CPAMD8: variants seen among roughly 807,000 people sequenced by gnomAD.
CPAMD8 encodes the protein C3 and PZP-like alpha-2-macroglobulin domain-containing protein 8.
A neutral mutation model predicts 224.7 loss-of-function variants in CPAMD8; 146 were observed. The ratio of observed to expected loss-of-function variants is 0.65; its 90% CI spans 0.57 to 0.75. The LOEUF (loss-of-function observed/expected upper bound fraction) is 0.75, where lower values mean the gene tolerates loss of function less well. Ranked by LOEUF, CPAMD8 falls within the 30% of genes least tolerant of loss-of-function variation. CPAMD8 has a pLI of 0.00. For synonymous variants in CPAMD8, 966 were observed against 1,044.6 expected, an observed-to-expected ratio of 0.92 and a Z score of 1.45; for missense variants, 2,301 against 2,537.5, an observed-to-expected ratio of 0.91 and a Z score of 2.00.
chr19:16,920,999 C>T (rs1390087888), intron 27 of CPAMD8, among the ~76,000 whole-genome samples: 1 of 151,950 alleles, frequency 6.6e-6, no homozygotes, highest in Non-Finnish European at 1.5e-5. Flanking sequence ...GTGGGCGGGG[C>T]CTCTGCTTGC....
intron 14 of CPAMD8, among the ~76,000 whole-genome samples, 180 bp downstream of exon 14, chr19:16,980,317 A>T (rs2055462892): frequency 6.6e-6 from 1 of 152,156 alleles, no homozygotes; most frequent in African/African-American, 2.4e-5. Flanking sequence ...CTCCACTTCC[A>T]GCAGCTGATC....
chr19:16,952,714 G>C (rs1221984393), intron 19 of CPAMD8, among the ~76,000 whole-genome samples: 2 of 151,784 alleles, frequency 1.3e-5, no homozygotes, highest in Non-Finnish European at 2.9e-5. Flanking sequence ...AACTAAAAAA[G>C]ACAAAAAAAG....
chr19:16,987,457 C>A (rs954891230), intron 13 of CPAMD8, among the ~76,000 whole-genome samples: 1 of 151,644 alleles, frequency 6.6e-6, no homozygotes, highest in Non-Finnish European at 1.5e-5. Flanking sequence ...TCCCACTTCA[C>A]GAACAGTCAA....
intron 10 of CPAMD8, 56 bp downstream of exon 10, chr19:17,000,358 G>A (rs1373108774): frequency 1.4e-5 from 10 of 734,792 alleles, no homozygotes; most frequent in Non-Finnish European, 2.5e-5. Context: ...AATGTGTGCT[G>A]GTGGAGGTGA....
chr19:16,896,558 C>A lies in CPAMD8; in HGVS notation c.5173G>T (p.Gly1725Cys). ...DCGAQGNPVC[G>C]SDGVVYASAC... is the part of the protein sequence containing the mutation. ...CTGGCGTAGACCACCCCGTCGGAGCCGCACACCGGGTTCCCCTGGGCGCCG... is the reference window on the plus strand; with the variant it reads ...CTGGCGTAGACCACCCCGTCGGAGCAGCACACCGGGTTCCCCTGGGCGCCG... The change falls in exon 40 of 42, where the codon GGC becomes TGC. Residue 1725 changes from glycine to cysteine, a missense_variant. Gly to Cys is a radical substitution (Grantham distance 159). Transcript: ENST00000443236. The A allele has an allele frequency of 6.6e-7, 1 of 1,507,304 alleles. No homozygotes were observed. Among genetic ancestry groups the A allele is most frequent in the Non-Finnish European group, 8.8e-7 (1 of 1,134,694 alleles). The allele number at this position is 1,507,304 out of a possible 1,614,324, so 93.4% of individuals were successfully genotyped here.
chr19:16,966,286 C>A (rs2054825400), intron 18 of CPAMD8, among the ~76,000 whole-genome samples: 1 of 152,140 alleles, frequency 6.6e-6, no homozygotes, highest in African/African-American at 2.4e-5. Context: ...ACTGGGTAGC[C>A]ATATGTAGAA....
Position 16,989,708 on chromosome 19 carries a change from G to A in CPAMD8, c.1330C>T (p.Leu444Phe). The A allele has an allele frequency of 6.2e-7, 1 of 1,613,904 alleles. No individual in the cohort carries two copies. Among genetic ancestry groups the A allele is most frequent in the Non-Finnish European group, 8.5e-7 (1 of 1,179,836 alleles). Residue 444 changes from leucine (L) to phenylalanine (F), a missense_variant, in exon 13 of 42, where the codon CTC (leucine) becomes TTC (phenylalanine). Around this residue, in one of 4 missense-constraint regions of CPAMD8, gnomAD observed 301 missense variants for 406.6 expected, o/e 0.74. Transcript: ENST00000443236. ...TGGCTGGGGGAGTACCAGCTGCCGAGGGAGAGGTAGCTGGGCAGGTACTGA... is the reference window on the plus strand; with the variant it reads ...TGGCTGGGGGAGTACCAGCTGCCGAAGGAGAGGTAGCTGGGCAGGTACTGA... Reference protein sequence around the residue: ...GAQYLPSYLSLGSWYSPSQCY... With the variant: ...GAQYLPSYLSFGSWYSPSQCY...
chr19:16,977,273 A>G, intron 15 of CPAMD8, 95 bp downstream of exon 15: 2 of 745,428 alleles, frequency 2.7e-6, no homozygotes, highest in East Asian at 5.2e-5. Context: ...GCGACACAAC[A>G]TGAGTCTCAG....
chr19:16,968,541 A>C (rs952971761), intron 18 of CPAMD8, among the ~76,000 whole-genome samples: 4 of 152,220 alleles, frequency 2.6e-5, no homozygotes, highest in African/African-American at 9.6e-5. Flanking sequence ...AGTGAGCAAT[A>C]CTGGAAATAC....
At chr19:16,963,343 G>A (rs1046427660) in intron 18 of CPAMD8, among the ~76,000 whole-genome samples, 2 of 152,250 alleles carry the variant, frequency 1.3e-5, no homozygotes, top group Admixed American at 6.5e-5. Flanking sequence ...AATGGATGGA[G>A]GAAGATCTAC....
chr19:16,925,758 ATT>A (rs35402590), intron 25 of CPAMD8, among the ~76,000 whole-genome samples: 62 of 145,406 alleles, frequency 4.3e-4, no homozygotes, highest in Non-Finnish European at 5.9e-4. Flanking sequence ...TTTCTAAAAT[ATT>A]TTTTTTTTTT....
chr19:16,898,029 G>T lies in CPAMD8; in HGVS notation c.4849-35C>A, dbSNP rs1407138985. The T allele has an allele frequency of 6.5e-7, 1 of 1,527,138 alleles. No homozygotes were observed. Among genetic ancestry groups the T allele is most frequent in the Non-Finnish European group, 8.9e-7 (1 of 1,122,230 alleles). 94.6% of individuals were successfully genotyped at this position (1,527,138 alleles called of 1,614,324 possible). A position where few individuals can be genotyped will look rare whatever the true frequency, so the allele number is the denominator to read the frequency against. ...AGCGGCGGGCGCAGGCTCGACCCGG[G>T]CCAGGAGGCCCGGGGCGCTGAGCTC... On this transcript the variant is annotated intron_variant, in intron 37 of 41. Coordinates refer to ENST00000443236, the MANE Select transcript of CPAMD8 (RefSeq NM_015692.5). This position sits in a 1 kb window ranked among gnomAD's most constrained non-coding sequence, Gnocchi z 4.2.
Position 16,898,111 on chromosome 19 carries a change from C to T in CPAMD8, c.4849-117G>A, listed in dbSNP as rs2052103225. 2 of 646,174 alleles carry T rather than the reference C, an allele frequency of 3.1e-6. No individual in the cohort carries two copies. Among genetic ancestry groups the T allele is most frequent in the Middle Eastern group, 3.7e-4 (1 of 2,672 alleles). 40.0% of individuals were successfully genotyped at this position (646,174 alleles called of 1,614,324 possible). ...CAGGACGCGTGAAACACAGAAGAAA[C>T]GTGATCCCATTTTCTTTTTTTCTTT... On this transcript the variant is annotated intron_variant, in intron 37 of 41. Coordinates refer to ENST00000443236, the MANE Select transcript of CPAMD8 (RefSeq NM_015692.5). The surrounding 1 kb of genome is among the most constrained non-coding windows in gnomAD (Gnocchi z 4.2).
chr19:16,906,915 G>T, intron 30 of CPAMD8, 37 bp downstream of exon 30: 1 of 1,553,038 alleles, frequency 6.4e-7, no homozygotes, highest in South Asian at 1.2e-5. Context: ...TGGGCTTCCC[G>T]ACGCTGTGGC....
chr19:17,012,006 C>T (rs886506010), intron 3 of CPAMD8, among the ~76,000 whole-genome samples: 8 of 152,156 alleles, frequency 5.3e-5, no homozygotes, highest in African/African-American at 1.9e-4. Flanking sequence ...CACCCCCGCC[C>T]TTGGCAAACT....
At chr19:16,990,364 T>C (rs894252228) in intron 12 of CPAMD8, among the ~76,000 whole-genome samples, 2 of 151,288 alleles carry the variant, frequency 1.3e-5, no homozygotes, top group African/African-American at 4.9e-5. Context: ...TGAGGATCAC[T>C]TGGGCCCAGG....
At chr19:16,910,655 T>G (rs1482231629) in intron 29 of CPAMD8, 1 of 152,204 alleles carries the variant, frequency 6.6e-6, no homozygotes, top group Non-Finnish European at 1.5e-5. Context: ...GGTCACCATA[T>G]TGATGCTGAA....
intron 10 of CPAMD8, among the ~76,000 whole-genome samples, chr19:17,000,050 T>A (rs569487415): frequency 1.3e-5 from 2 of 152,332 alleles, no homozygotes; most frequent in East Asian, 1.9e-4. Flanking sequence ...AGTGGTCATG[T>A]CCACCTATTG....
chr19:16,976,519 T>C lies in CPAMD8; in HGVS notation c.1759-368A>G, dbSNP rs188318947. Among the ~76,000 whole-genome samples, 434 of 152,166 alleles carry C rather than the reference T, an allele frequency of 2.9e-3. 7 individuals are homozygous for C. The highest frequency in any genetic ancestry group is 8.1e-3 in the South Asian group (39 of 4,826). On this transcript the variant is annotated intron_variant, in intron 15 of 41. Transcript: ENST00000443236. The stretch of plus-strand genomic sequence containing the variant: ...AACTTGGTTCAATCCAGGTTTGGTC[T>C]AGTCCAGAGGCATCTCTTCTGCCCC...
Sources: gnomAD v4.1 joint callset for allele counts (sites outside exome capture counted in the v4.1 genomes callset) on GRCh38, gnomAD v4.1.1 for gene constraint, gnomAD v4.1.1 regional missense constraint, Gnocchi (gnomAD v3.1) non-coding constraint, MANE v1.5 for transcripts, NCBI Gene and HGNC (gene_info 2026-07-23, HGNC 2026-07-21) for gene names.